Variants in HAUS6 observed in about 807,000 individuals in gnomAD.
HAUS6 encodes HAUS augmin like complex subunit 6.
In HAUS6, 80 loss-of-function variants were observed where a neutral mutation model predicts 106.8. That is an observed-to-expected ratio of 0.75 (90% CI 0.63 to 0.90). HAUS6 has a LOEUF of 0.90. HAUS6 is among the 40% of genes least tolerant of loss of function. HAUS6 has a pLI of 0.00. For missense variants in HAUS6, 1,155 were observed against 1,118.1 expected (o/e 1.03, Z -0.47); for synonymous variants, 356 against 379.1 (o/e 0.94, Z 0.71).
intron 14 of HAUS6, 21 bp downstream of exon 14, chr9:19,062,987 C>A: frequency 6.5e-7 from 1 of 1,550,114 alleles, no homozygotes; most frequent in East Asian, 2.2e-5. Flanking sequence ...TTTAAGTATA[C>A]TCATTACAGT....
intron 7 of HAUS6, among the ~76,000 whole-genome samples, chr9:19,083,930 C>G (rs1837223442): frequency 6.6e-6 from 1 of 150,912 alleles, no homozygotes; most frequent in Admixed American, 6.6e-5. Flanking sequence ...TAGGCATATA[C>G]TAATCTATAT....
rs781165626 is a variant in HAUS6 at position 19,086,797 on chromosome 9, A to G, written c.651-15T>C. ...AGGGTTCCATTCTAATAAAAATTAAATAATCTAATTAGTCATATTAAAAAT... is the reference window on the plus strand; with the variant it reads ...AGGGTTCCATTCTAATAAAAATTAAGTAATCTAATTAGTCATATTAAAAAT... On this transcript the variant is annotated splice_polypyrimidine_tract_variant and intron_variant, in intron 6 of 16. Transcript: ENST00000380502. 3.0e-6 allele frequency: 3 copies of G among 989,872 alleles called. No homozygotes were observed. Among genetic ancestry groups the G allele is most frequent in the Non-Finnish European group, 4.7e-6 (3 of 637,438 alleles). 61.3% of individuals were successfully genotyped at this position (989,872 alleles called of 1,614,324 possible). A position where few individuals can be genotyped will look rare whatever the true frequency, so the allele number is the denominator to read the frequency against.
intron 6 of HAUS6, 78 bp downstream of exon 6, chr9:19,087,013 G>T: frequency 4.0e-6 from 3 of 745,854 alleles, no homozygotes; most frequent in South Asian, 1.5e-5. Context: ...AATGTTTGTG[G>T]GAGTCTGTTT....
chr9:19,095,236 A>G (rs1355617115), intron 2 of HAUS6, among the ~76,000 whole-genome samples: 1 of 152,112 alleles, frequency 6.6e-6, no homozygotes, highest in African/African-American at 2.4e-5. Context: ...GGTCAAAAAT[A>G]TTAGGGTTTA....
intron 12 of HAUS6, chr9:19,064,893 G>A (rs1836727129): frequency 1.3e-5 from 2 of 152,012 alleles, no homozygotes; most frequent in Admixed American, 1.3e-4. Flanking sequence ...TTATCAAAAA[G>A]CCCCCTGAAA....
At chr9:19,081,752 T>A (rs1837155928) in intron 8 of HAUS6, among the ~76,000 whole-genome samples, 1 of 152,116 alleles carries the variant, frequency 6.6e-6, no homozygotes, top group Non-Finnish European at 1.5e-5. Context: ...TTCCAATACT[T>A]TTTAAATCAT....
At chr9:19,081,808 G>A (rs954683724) in intron 8 of HAUS6, among the ~76,000 whole-genome samples, 3 of 150,552 alleles carry the variant, frequency 2.0e-5, no homozygotes, top group East Asian at 2.0e-4. Flanking sequence ...GCTCACGCCT[G>A]TAATCCCAGC....
chr9:19,087,395 A>G (rs144468329), intron 5 of HAUS6, among the ~76,000 whole-genome samples: 5 of 152,316 alleles, frequency 3.3e-5, no homozygotes, highest in African/African-American at 1.2e-4. Flanking sequence ...GGAGGTTAGT[A>G]AGACGACTCT....
chr9:19,065,602 A>G (rs1004810115), intron 12 of HAUS6, among the ~76,000 whole-genome samples: 1 of 152,166 alleles, frequency 6.6e-6, no homozygotes, highest in African/African-American at 2.4e-5. Flanking sequence ...CCACTTTGGG[A>G]GGCTGAGGCA....
intron 1 of HAUS6, among the ~76,000 whole-genome samples, chr9:19,100,924 AG>A (rs1817973333): frequency 6.6e-6 from 1 of 152,176 alleles, no homozygotes; most frequent in Non-Finnish European, 1.5e-5. Flanking sequence ...TGGTTAACAC[AG>A]TCTAGGAAAG....
chr9:19,059,956 C>A (rs1382786630), intron 15 of HAUS6, 132 bp downstream of exon 15: 24 of 622,960 alleles, frequency 3.9e-5, no homozygotes, highest in African/African-American at 2.8e-4. Context: ...AATGCCCACA[C>A]TTAGTACGTC....
intron 11 of HAUS6, among the ~76,000 whole-genome samples, chr9:19,072,299 G>A (rs1588607369): frequency 6.6e-6 from 1 of 152,112 alleles, no homozygotes. Flanking sequence ...GATCACTTGA[G>A]GTCAGTAGTT....
At chr9:19,056,690 T>TC (rs1333338166) in intron 16 of HAUS6, 1 of 267,880 alleles carries the variant, frequency 3.7e-6, no homozygotes, top group East Asian at 7.6e-5. Flanking sequence ...AGCCTCAAAC[T>TC]CCCAGGCCCA....
Position 19,102,741 on chromosome 9 carries a change from G to T in HAUS6, c.-90C>A. On this transcript the variant is annotated 5_prime_UTR_variant, in exon 1 of 17. Coordinates refer to ENST00000380502, the MANE Select transcript of HAUS6 (RefSeq NM_017645.5). ...CAAGATCCCTCCCTACGGTCAGCCT[G>T]AGGTCGCGGTGGTCCTTCCATTGCC... 7.3e-7 allele frequency: 1 copy of T among 1,363,392 alleles called. No individual in the cohort carries two copies. Among genetic ancestry groups the T allele is most frequent in the South Asian group, 1.4e-5 (1 of 71,864 alleles). The allele number at this position is 1,363,392 out of a possible 1,614,324, so 84.5% of individuals were successfully genotyped here. A position where few individuals can be genotyped will look rare whatever the true frequency, so the allele number is the denominator to read the frequency against.
rs561998283 is a variant in HAUS6 at position 19,083,472 on chromosome 9, C to A, written c.700-429G>T. ...TTCTATATGCTGACATGTAATTAAT[C>A]GAATGAAGATCATTCAGGGAGAAAT... On this transcript the variant is annotated intron_variant, in intron 7 of 16. Transcript: ENST00000380502. Among the ~76,000 whole-genome samples the A allele has an allele frequency of 4.6e-5, 7 of 152,040 alleles. No individual in the cohort carries two copies. In the South Asian group the frequency reaches 1.5e-3, roughly 32 times the overall value.
Position 19,063,632 on chromosome 9 carries a change from T to C in HAUS6, c.1377-52A>G, listed in dbSNP as rs182964539. 6.0e-4 allele frequency: 694 copies of C among 1,164,846 alleles called. 3 individuals carry two copies. In the African/African-American group the frequency reaches 9.3e-3, roughly 16 times the overall value. The allele number at this position is 1,164,846 out of a possible 1,614,324, so 72.2% of individuals were successfully genotyped here. On this transcript the variant is annotated intron_variant, in intron 12 of 16. Transcript: ENST00000380502. ...AAGTTATAAGGAGAAAAGAATTCCA[T>C]TCCCTTTACGAGTCTATTCTAAAAT...
chr9:19,058,302 G>T lies in HAUS6; in HGVS notation c.2465C>A (p.Thr822Asn). 1 of 1,613,182 alleles carries T rather than the reference G, an allele frequency of 6.2e-7. No homozygotes were observed. The change falls in exon 16 of 17, where the codon ACT becomes AAT. Residue 822 changes from threonine (T) to asparagine (N), a missense_variant. By Grantham distance (65) the Thr-to-Asn change is moderately conservative. Around this residue, in one of 3 missense-constraint regions of HAUS6, gnomAD observed 380 missense variants for 394.8 expected, o/e 0.96. Coordinates refer to ENST00000380502, the MANE Select transcript of HAUS6 (RefSeq NM_017645.5). Reference protein sequence around the residue: ...LLEDVVGGRQTTPESDFNLQA... With the variant: ...LLEDVVGGRQNTPESDFNLQA... ...TAAATTAAAGTCTGATTCTGGAGTA[G>T]TCTGTCTCCCTCCCACAACATCTTC...
At chr9:19,102,322 T>C (rs1818005913) in intron 1 of HAUS6, among the ~76,000 whole-genome samples, 1 of 152,228 alleles carries the variant, frequency 6.6e-6, no homozygotes, top group South Asian at 2.1e-4. Context: ...ACAGAGCGCT[T>C]CCGGCACTCT....
chr9:19,089,304 T>C (rs1007713591), intron 5 of HAUS6, 108 bp downstream of exon 5: 1 of 692,344 alleles, frequency 1.4e-6, no homozygotes, highest in Non-Finnish European at 2.4e-6. Flanking sequence ...AATAGAAAGA[T>C]AACCGCCAAG....
Sources: allele counts gnomAD v4.1 joint callset (sites outside exome capture counted in the v4.1 genomes callset), GRCh38; gene constraint gnomAD v4.1.1; regional missense constraint gnomAD v4.1.1; transcripts MANE v1.5; gene names NCBI Gene and HGNC (gene_info 2026-07-23, HGNC 2026-07-21).